MAT2B: variants seen among roughly 807,000 people sequenced by gnomAD.
MAT2B encodes the protein methionine adenosyltransferase 2 subunit beta.
Under a neutral mutation model 36.1 loss-of-function variants are expected in MAT2B, and 16 were observed. That is an observed-to-expected ratio of 0.44 (90% CI 0.30 to 0.67). The LOEUF (loss-of-function observed/expected upper bound fraction) is 0.67. Among genes scored for constraint, MAT2B ranks in the 30% least tolerant of loss-of-function variants. The pLI, the probability that MAT2B is intolerant of heterozygous loss-of-function variation, is 0.09. For missense variants in MAT2B, 332 were observed against 398.2 expected (o/e 0.83, Z 1.42); for synonymous variants, 148 against 136.9 (o/e 1.08, Z -0.57).
At chr5:163,510,931 A>G (rs1269789846) in intron 1 of MAT2B, among the ~76,000 whole-genome samples, 1 of 152,212 alleles carries the variant, frequency 6.6e-6, no homozygotes, top group African/African-American at 2.4e-5. Context: ...CAGCTTGTAA[A>G]TATATTGGCA....
At chr5:163,503,106 A>C, upstream of MAT2B, 1 of 393,084 alleles carries the variant, frequency 2.5e-6, no homozygotes, top group Non-Finnish European at 4.6e-6. Context: ...GTTCTACCAA[A>C]TAGTTTTGCA....
chr5:163,513,755 T>A, intron 3 of MAT2B, 86 bp downstream of exon 3: 1 of 1,511,800 alleles, frequency 6.6e-7, no homozygotes, highest in Non-Finnish European at 9.1e-7. Flanking sequence ...GGTTATTTGT[T>A]TTTATATATC....
chr5:163,517,612 A>G lies in MAT2B; in HGVS notation c.772A>G (p.Lys258Glu), dbSNP rs1238641855. 6.2e-7 allele frequency: 1 copy of G among 1,613,944 alleles called. No individual in the cohort carries two copies. Among genetic ancestry groups the G allele is most frequent in the African/African-American group, 1.3e-5 (1 of 75,040 alleles). ...FHWSGNEQMT[K>E]YEMACAIADA... is the part of the protein sequence containing the mutation. ...CTGGTCTGGCAATGAACAGATGACT[A>G]AGTATGAAATGGCATGTGCAATTGC... Residue 258 changes from lysine to glutamate, a missense_variant, in exon 6 of 7, where the codon AAG becomes GAG. Physicochemically the swap from Lys to Glu is moderately conservative, Grantham distance 56. Coordinates refer to ENST00000321757, the MANE Select transcript of MAT2B (RefSeq NM_013283.5).
upstream of MAT2B, chr5:163,503,422 C>A (rs79684213): frequency 4.7e-4 from 758 of 1,613,718 alleles, 3 homozygotes; most frequent in African/African-American, 7.3e-3. Context: ...GGACATGGAG[C>A]AGGTAAGAAC....
At chr5:163,518,037 G>A in intron 6 of MAT2B, 156 bp from the exon 7 acceptor site, 4 of 555,200 alleles carry the variant, frequency 7.2e-6, no homozygotes, top group African/African-American at 1.9e-5. Flanking sequence ...AGGATCCCTT[G>A]AGCCCAGGAA....
intron 4 of MAT2B, among the ~76,000 whole-genome samples, chr5:163,514,872 C>T (rs949845960): frequency 6.6e-6 from 1 of 152,108 alleles, no homozygotes; most frequent in Non-Finnish European, 1.5e-5. Flanking sequence ...TAGTTTATTT[C>T]GTGCTGCTAT....
upstream of MAT2B, chr5:163,503,267 A>T (rs1413064207): frequency 1.2e-5 from 9 of 767,174 alleles, no homozygotes; most frequent in East Asian, 2.3e-4. Flanking sequence ...TAAAAGGTCA[A>T]GTGAAGCTGC....
chr5:163,517,946 A>T (rs2113564113), intron 6 of MAT2B: 1 of 500,652 alleles, frequency 2.0e-6, no homozygotes, highest in East Asian at 3.1e-5. Context: ...AGCAAAAATA[A>T]GTAGCAAATA....
intron 4 of MAT2B, among the ~76,000 whole-genome samples, chr5:163,515,764 C>CTTT (rs1222529836): frequency 1.9e-4 from 6 of 30,814 alleles, no homozygotes; most frequent in East Asian, 1.2e-3. Context: ...GTGGTTTTGC[C>CTTT]TTTTTCTTTT....
Position 163,516,677 on chromosome 5 carries a change from C to G in MAT2B, c.686C>G (p.Thr229Ser). Residue 229 changes from threonine to serine, a missense_variant, in exon 5 of 7, where the codon ACT (threonine) becomes AGT (serine). Physicochemically the swap from Thr to Ser is moderately conservative, Grantham distance 58. Transcript: ENST00000321757. ...RFPTHVKDVATVCRQLAEKRM... is the reference protein window; with the variant it reads ...RFPTHVKDVASVCRQLAEKRM... ...CCCACACATGTCAAAGATGTGGCCA[C>G]TGTGTGCCGGCAGCTAGCAGAGAAG... The G allele has an allele frequency of 6.2e-7, 1 of 1,614,200 alleles. No individual in the cohort carries two copies. The highest frequency in any genetic ancestry group is 8.5e-7 in the Non-Finnish European group (1 of 1,180,040).
chr5:163,516,476 G>C (rs760241922), intron 4 of MAT2B, 42 bp from the exon 5 acceptor site: 2 of 1,524,392 alleles, frequency 1.3e-6, no homozygotes, highest in East Asian at 2.3e-5. Context: ...CAAAATTTAA[G>C]AATCAGTCAG....
At chr5:163,515,770 C>CTTTTTTTTTTTTTTTTTTTTTTTTTTTTT (rs66978639) in intron 4 of MAT2B, among the ~76,000 whole-genome samples, 1 of 69,780 alleles carries the variant, frequency 1.4e-5, no homozygotes, top group Non-Finnish European at 2.4e-5. Context: ...TTGCCTTTTT[C>CTTTTTTTTTTTTTTTTTTTTTTTTTTTTT]TTTTTTTTTT....
chr5:163,510,617 G>C (rs1407917960), intron 1 of MAT2B, among the ~76,000 whole-genome samples: 6 of 151,954 alleles, frequency 3.9e-5, no homozygotes, highest in Non-Finnish European at 8.8e-5. Context: ...GGCTGGTCTT[G>C]AACTCCTGAC....
upstream of MAT2B, chr5:163,505,569 G>T: frequency 5.6e-6 from 7 of 1,246,134 alleles, no homozygotes; most frequent in South Asian, 8.3e-5. Context: ...CGGAAGCGGC[G>T]AGCGGGGTCG....
rs531334700 is a variant in MAT2B, at chr5:163,519,279, G to T, written c.*916G>T. 15 of 152,010 alleles carry T rather than the reference G, an allele frequency of 9.9e-5. No homozygotes were observed. Among genetic ancestry groups the T allele is most frequent in the South Asian group, 4.2e-4 (2 of 4,780 alleles). The allele number at this position is 152,010 out of a possible 1,614,324, so 9.4% of individuals were successfully genotyped here. On this transcript the variant is annotated 3_prime_UTR_variant, in exon 7 of 7. Coordinates refer to ENST00000321757, the MANE Select transcript of MAT2B (RefSeq NM_013283.5). ...GATGTAACATGTGATACATACAAAA[G>T]AATATAGTTTAATATGTATTGAAAT...
chr5:163,513,685 TA>T lies in MAT2B; in HGVS notation c.373+20del. On this transcript the variant is annotated intron_variant, in intron 3 of 6. Coordinates refer to ENST00000321757, the MANE Select transcript of MAT2B (RefSeq NM_013283.5). ...AAGGAAGCAGGTAATGATGACTTTA[TA>T]AAATTTTCATAAAATATTAAGTGAT... 1 of 1,593,100 alleles carries T rather than the reference TA, an allele frequency of 6.3e-7. No homozygotes were observed. The highest frequency in any genetic ancestry group is 8.6e-7 in the Non-Finnish European group (1 of 1,163,966).
intron 1 of MAT2B, among the ~76,000 whole-genome samples, chr5:163,511,203 C>A (rs1290111571): frequency 6.6e-6 from 1 of 152,114 alleles, no homozygotes; most frequent in Non-Finnish European, 1.5e-5. Flanking sequence ...TATAAATCTA[C>A]ATAATTCCTT....
intron 2 of MAT2B, chr5:163,512,941 A>T (rs958504055): frequency 4.1e-6 from 1 of 244,526 alleles, no homozygotes; most frequent in African/African-American, 2.4e-5. Flanking sequence ...TCAGCCTTCC[A>T]AAGTGCTGGG....
At chr5:163,513,766 A>G in intron 3 of MAT2B, 76 bp from the exon 4 acceptor site, 1 of 1,517,608 alleles carries the variant, frequency 6.6e-7, no homozygotes, top group Non-Finnish European at 9.0e-7. Flanking sequence ...TTTATATATC[A>G]TGAAAAACCA....
Sources: gnomAD v4.1 joint callset for allele counts (sites outside exome capture counted in the v4.1 genomes callset) on GRCh38, gnomAD v4.1.1 for gene constraint, MANE v1.5 for transcripts, NCBI Gene and HGNC (gene_info 2026-07-23, HGNC 2026-07-21) for gene names.